Variants in COL18A1 observed in about 807,000 individuals in gnomAD.
COL18A1 encodes collagen type XVIII alpha 1 chain.
Under a neutral mutation model 168.0 loss-of-function variants are expected in COL18A1, and 133 were observed. The ratio of observed to expected loss-of-function variants is 0.79; its 90% CI spans 0.69 to 0.91. The LOEUF (loss-of-function observed/expected upper bound fraction) is 0.91. Ranked by LOEUF, COL18A1 falls within the 40% of genes least tolerant of loss-of-function variation. The pLI, the probability that COL18A1 is intolerant of heterozygous loss-of-function variation, is 0.00. For missense variants in COL18A1, 2,126 were observed against 1,925.4 expected (o/e 1.10, Z -1.95); for synonymous variants, 949 against 809.0 (o/e 1.17, Z -2.94).
chr21:45,464,370 A>G (rs1428446716), intron 2 of COL18A1, among the ~76,000 whole-genome samples: 1 of 152,218 alleles, frequency 6.6e-6, no homozygotes, highest in Non-Finnish European at 1.5e-5. Context: ...GCCCTCGGCA[A>G]GACTCCAGCC....
rs1225349726 is a variant in COL18A1, at chr21:45,509,575, C to T, written c.3469C>T (p.His1157Tyr). ...GGCGCGACCCACAAGCCCACCCGCC[C>T]ACAGCCACCGCGACTTCCAGCCGGT... ...RPARPTSPPAHSHRDFQPVLH... is the reference protein window; with the variant it reads ...RPARPTSPPAYSHRDFQPVLH... Residue 1157 changes from histidine to tyrosine, a missense_variant, in exon 39 of 42, where the codon CAC becomes TAC. Coordinates refer to ENST00000651438, the MANE Select transcript of COL18A1 (RefSeq NM_001379500.1). 1.3e-6 allele frequency: 2 copies of T among 1,527,594 alleles called. No individual in the cohort carries two copies. Among genetic ancestry groups the T allele is most frequent in the East Asian group, 2.4e-5 (1 of 41,040 alleles). 94.6% of individuals were successfully genotyped at this position (1,527,594 alleles called of 1,614,324 possible).
At chr21:45,476,190 G>A (rs1052325438) in intron 5 of COL18A1, among the ~76,000 whole-genome samples, 161 bp from the exon 6 acceptor site, 11 of 152,196 alleles carry the variant, frequency 7.2e-5, no homozygotes, top group Admixed American at 3.9e-4. Flanking sequence ...TGCGGCCCAC[G>A]GAAGGAAGCC....
At chr21:45,419,440 T>C (rs1160180916) in intron 2 of COL18A1, among the ~76,000 whole-genome samples, 1 of 152,244 alleles carries the variant, frequency 6.6e-6, no homozygotes, top group East Asian at 1.9e-4. Context: ...AAGGCCAGGC[T>C]GGCTCCAAAG....
rs1568942232 is a variant in COL18A1, at chr21:45,505,213, GCCAGGGCCCTCCCGGCCCCCCAGGCCCC to G, written c.2958_2985del (p.Pro987LeufsTer35). ...CCCCCCGGCATCGGCTACGAGGGGC[GCCAGGGCCCTCCCGGCCCCCCAGGCCCC>G]CCAGGGCCCCCTTCATTTCCTGGCC... On this transcript the variant is annotated frameshift_variant, in exon 35 of 42. Transcript: ENST00000651438. LOFTEE classifies it high-confidence loss of function. 7 of 1,600,038 alleles carry G rather than the reference GCCAGGGCCCTCCCGGCCCCCCAGGCCCC, an allele frequency of 4.4e-6. No individual in the cohort carries two copies. The highest frequency in any genetic ancestry group is 1.7e-5 in the Admixed American group (1 of 58,530).
chr21:45,509,886 A>G (rs888326489), intron 39 of COL18A1, among the ~76,000 whole-genome samples, 178 bp from the exon 40 acceptor site: 3 of 152,086 alleles, frequency 2.0e-5, no homozygotes, highest in African/African-American at 7.2e-5. Flanking sequence ...GGCTGCTCTG[A>G]CCTGGCAGCG....
At chr21:45,508,900 G>A (rs2037408654) in intron 38 of COL18A1, among the ~76,000 whole-genome samples, 2 of 152,186 alleles carry the variant, frequency 1.3e-5, no homozygotes, top group Admixed American at 1.3e-4. Flanking sequence ...GAGGGCCGTG[G>A]GGAAAGGTGC....
intron 3 of COL18A1, among the ~76,000 whole-genome samples, chr21:45,469,038 G>A (rs2035318633): frequency 6.6e-6 from 1 of 152,172 alleles, no homozygotes; most frequent in Admixed American, 6.5e-5. Flanking sequence ...TGGCTCCTGC[G>A]CCCCCAGGAA....
chr21:45,486,929 T>C lies in COL18A1; in HGVS notation c.1770T>C (p.Pro590=). The change falls in exon 16 of 42, where the codon CCT becomes CCC. Residue 590 remains proline, a synonymous_variant. Coordinates refer to ENST00000651438, the MANE Select transcript of COL18A1 (RefSeq NM_001379500.1). ...GCGGCCTGGCAGGAGCCCCCGGACC[T>C]GCTGGACCACCAGGCCCCCCTGGGC... ...GESGLAGAPG[P]AGPPGPPGPP... 2 of 1,506,128 alleles carry C rather than the reference T, an allele frequency of 1.3e-6. No homozygotes were observed. Among genetic ancestry groups the C allele is most frequent in the South Asian group, 2.5e-5 (2 of 79,080 alleles). The allele number at this position is 1,506,128 out of a possible 1,614,324, so 93.3% of individuals were successfully genotyped here. A position where few individuals can be genotyped will look rare whatever the true frequency, so the allele number is the denominator to read the frequency against.
At chr21:45,504,744 C>T (rs1329105152) in intron 34 of COL18A1, among the ~76,000 whole-genome samples, 188 bp downstream of exon 34, 6 of 152,112 alleles carry the variant, frequency 3.9e-5, no homozygotes, top group East Asian at 1.9e-4. Context: ...GCACTGACCC[C>T]GGACACCCCC....
intron 2 of COL18A1, among the ~76,000 whole-genome samples, chr21:45,428,914 TTTA>T (rs2033880335): frequency 6.6e-6 from 1 of 150,926 alleles, no homozygotes; most frequent in Non-Finnish European, 1.5e-5. Context: ...TTTTTTTTTT[TTTA>T]ATTTGAGACG....
At position 45,498,446 on chromosome 21, in the gene COL18A1, GGGTCCCCTCTCGCCGCCAC is replaced by G; in HGVS notation, c.2683+793_2683+811del. 4.4e-6 allele frequency: 3 copies of G among 679,044 alleles called. No individual in the cohort carries two copies. The highest frequency in any genetic ancestry group is 5.5e-6 in the Non-Finnish European group (2 of 361,538). 42.1% of individuals were successfully genotyped at this position (679,044 alleles called of 1,614,324 possible). ...CCGCCACGGTCCCCTCTCGCCGCCA[GGGTCCCCTCTCGCCGCCAC>G]GGTCCCCGCTCGCCGCCAGGGTCCC... On this transcript the variant is annotated intron_variant, in intron 32 of 41. Transcript: ENST00000651438. This position sits in a 1 kb window ranked among gnomAD's most constrained non-coding sequence, Gnocchi z 4.5.
rs148006289 is a variant in COL18A1, at chr21:45,443,864, A to T, written c.107-24378A>T. Among the ~76,000 whole-genome samples, 753 of 152,234 alleles carry T rather than the reference A, an allele frequency of 4.9e-3. 8 individuals are homozygous for T. Among genetic ancestry groups the T allele is most frequent in the African/African-American group, 0.017 (702 of 41,544 alleles). ...ATGATCCCCTAGATGCGTCCGAGGGACACTGGACATCTGGTGGCCCTCCAG... is the reference window on the plus strand; with the variant it reads ...ATGATCCCCTAGATGCGTCCGAGGGTCACTGGACATCTGGTGGCCCTCCAG... On this transcript the variant is annotated intron_variant, in intron 2 of 41. Coordinates refer to ENST00000651438, the MANE Select transcript of COL18A1 (RefSeq NM_001379500.1). The surrounding 1 kb of genome is among the most constrained non-coding windows in gnomAD (Gnocchi z 5.2).
At position 45,437,773 on chromosome 21, in the gene COL18A1, C is replaced by T. The variant is rs1186561457; in HGVS notation, c.107-30469C>T. On this transcript the variant is annotated intron_variant, in intron 2 of 41. Transcript: ENST00000651438. ...TCAGACACAGGCACTCTCCTGCACA[C>T]ACACACACTCACTCACACACAGACA... 2.6e-5 allele frequency among the ~76,000 whole-genome samples: 2 copies of T among 78,340 alleles called. 1 individual carries two copies. The allele number at this position is 78,340 out of a possible 152,430, so 51.4% of individuals were successfully genotyped here.
Position 45,473,206 on chromosome 21 carries a change from G to A in COL18A1, c.652-689G>A, listed in dbSNP as rs551362624. On this transcript the variant is annotated intron_variant, in intron 3 of 41. Coordinates refer to ENST00000651438, the MANE Select transcript of COL18A1 (RefSeq NM_001379500.1). The surrounding 1 kb of genome is among the most constrained non-coding windows in gnomAD (Gnocchi z 4.0). Reference sequence around the variant, plus strand: ...TGTCCTTGCCCAGCATCCCCGGCCTGCATCTCACCAGGCACCGCCGGCCGC... The same window carrying A: ...TGTCCTTGCCCAGCATCCCCGGCCTACATCTCACCAGGCACCGCCGGCCGC... Among the ~76,000 whole-genome samples, 2 of 152,226 alleles carry A rather than the reference G, an allele frequency of 1.3e-5. No individual in the cohort carries two copies. The highest frequency in any genetic ancestry group is 2.9e-5 in the Non-Finnish European group (2 of 68,048).
intron 2 of COL18A1, among the ~76,000 whole-genome samples, chr21:45,413,430 C>T (rs552331048): frequency 3.9e-5 from 6 of 152,300 alleles, no homozygotes; most frequent in South Asian, 2.1e-4. Context: ...TGTGACTGGG[C>T]GGCAAACATT....
At position 45,510,047 on chromosome 21, in the gene COL18A1, C is replaced by T. The variant is rs371340555; in HGVS notation, c.3496-17C>T. 276 of 1,545,058 alleles carry T rather than the reference C, an allele frequency of 1.8e-4. 1 individual carries two copies. In the East Asian group the frequency reaches 2.0e-3, roughly 11 times the overall value. ...GCAGCGTGGGACACAGCCCGTGACG[C>T]GCCCCTCTCCCCGCAGCTCCACCTG... On this transcript the variant is annotated splice_polypyrimidine_tract_variant and intron_variant, in intron 39 of 41. Coordinates refer to ENST00000651438, the MANE Select transcript of COL18A1 (RefSeq NM_001379500.1).
At chr21:45,503,962 C>A (rs376333351) in intron 32 of COL18A1, 49 bp from the exon 33 acceptor site, 1 of 1,609,496 alleles carries the variant, frequency 6.2e-7, no homozygotes, top group Non-Finnish European at 8.5e-7. Context: ...GGGAACCCGG[C>A]GCTGTCAGAC....
At chr21:45,487,389 A>T in intron 16 of COL18A1, 58 bp from the exon 17 acceptor site, 1 of 1,589,250 alleles carries the variant, frequency 6.3e-7, no homozygotes, top group South Asian at 1.1e-5. Context: ...CACCCCAGGG[A>T]GGGGTCCTTC....
intron 3 of COL18A1, among the ~76,000 whole-genome samples, chr21:45,472,803 AC>A (rs954541124): frequency 5.7e-5 from 8 of 140,750 alleles, no homozygotes; most frequent in African/African-American, 9.1e-5. Flanking sequence ...CAGGGTCCAC[AC>A]CCCCCCACGC....
Sources: gnomAD v4.1 joint callset for allele counts (sites outside exome capture counted in the v4.1 genomes callset) on GRCh38, gnomAD v4.1.1 for gene constraint, Gnocchi (gnomAD v3.1) non-coding constraint, MANE v1.5 for transcripts, NCBI Gene and HGNC (gene_info 2026-07-23, HGNC 2026-07-21) for gene names.